The following ZCWPW1 variants were observed in gnomAD, a reference collection of about 807,000 sequenced individuals.
ZCWPW1 encodes the protein zinc finger CW-type PWWP domain protein 1.
In ZCWPW1, 56 loss-of-function variants were observed where a neutral mutation model predicts 81.3. The ratio of observed to expected loss-of-function variants is 0.69; its 90% CI spans 0.56 to 0.86. The LOEUF (loss-of-function observed/expected upper bound fraction) is 0.86. ZCWPW1 is among the 40% of genes least tolerant of loss of function. ZCWPW1 has a pLI of 0.00. For missense variants in ZCWPW1, 650 were observed against 769.8 expected (o/e 0.84, Z 1.84); for synonymous variants, 250 against 273.7 (o/e 0.91, Z 0.86).
chr7:100,422,270 C>G (rs1796494109), intron 2 of ZCWPW1, among the ~76,000 whole-genome samples: 1 of 152,242 alleles, frequency 6.6e-6, no homozygotes, highest in Non-Finnish European at 1.5e-5. Context: ...CAGTCTAATT[C>G]AGTGCTTCAC....
At chr7:100,413,685 C>T (rs993117405) in intron 8 of ZCWPW1, among the ~76,000 whole-genome samples, 3 of 152,194 alleles carry the variant, frequency 2.0e-5, no homozygotes, top group Non-Finnish European at 4.4e-5. Flanking sequence ...GAGGGTGAAC[C>T]CTCATCTGCC....
At chr7:100,408,185 A>C (rs531328166) in intron 10 of ZCWPW1, among the ~76,000 whole-genome samples, 1 of 152,148 alleles carries the variant, frequency 6.6e-6, no homozygotes, top group Admixed American at 6.5e-5. Context: ...TTGTGGTCTC[A>C]GGTGATCTGC....
chr7:100,417,199 A>C lies in ZCWPW1; in HGVS notation c.362-16T>G. On this transcript the variant is annotated splice_polypyrimidine_tract_variant and intron_variant, in intron 5 of 17. Coordinates refer to ENST00000684423, the MANE Select transcript of ZCWPW1 (RefSeq NM_001386010.1). ...GATCCCATCCCTCCCAAAACAAAAT[A>C]CTATAAGCAGAGAAGCAAAAAAACG... 1 of 1,604,866 alleles carries C rather than the reference A, an allele frequency of 6.2e-7. No homozygotes were observed. The highest frequency in any genetic ancestry group is 8.5e-7 in the Non-Finnish European group (1 of 1,174,044).
At chr7:100,419,028 G>C (rs1168634539) in intron 5 of ZCWPW1, 83 bp downstream of exon 5, 6 of 1,080,694 alleles carry the variant, frequency 5.6e-6, no homozygotes, top group Middle Eastern at 2.0e-4. Context: ...GAGAGAAAGA[G>C]AGAAGCTGTC....
chr7:100,412,576 A>AT (rs986528620), intron 8 of ZCWPW1, among the ~76,000 whole-genome samples: 151 of 149,198 alleles, frequency 1.0e-3, no homozygotes, highest in African/African-American at 1.5e-3. Flanking sequence ...AATCCATTTT[A>AT]TTTTTTTTTT....
intron 13 of ZCWPW1, 108 bp downstream of exon 13, chr7:100,404,905 T>C (rs1792665121): frequency 1.9e-6 from 2 of 1,068,434 alleles, no homozygotes; most frequent in Non-Finnish European, 1.3e-6. Flanking sequence ...AAGTGAAATA[T>C]AGAGGTAGGA....
intron 5 of ZCWPW1, among the ~76,000 whole-genome samples, chr7:100,418,430 C>T (rs894784825): frequency 3.3e-5 from 5 of 152,118 alleles, no homozygotes; most frequent in East Asian, 1.9e-4. Flanking sequence ...ATGGGAGAAT[C>T]GTTTGCAGCC....
intron 2 of ZCWPW1, among the ~76,000 whole-genome samples, chr7:100,421,897 G>T (rs1796421713): frequency 6.6e-6 from 1 of 151,968 alleles, no homozygotes; most frequent in Non-Finnish European, 1.5e-5. Context: ...TCTCCATATT[G>T]GTCAGGCTGG....
At chr7:100,416,230 G>T in intron 7 of ZCWPW1, 75 bp downstream of exon 7, 1 of 1,592,426 alleles carries the variant, frequency 6.3e-7, no homozygotes, top group Non-Finnish European at 8.5e-7. Flanking sequence ...TTCTCAGCCT[G>T]CCCATGGTCC....
chr7:100,423,912 T>C (rs1366536196), intron 2 of ZCWPW1, among the ~76,000 whole-genome samples: 1 of 151,768 alleles, frequency 6.6e-6, no homozygotes, highest in Non-Finnish European at 1.5e-5. Flanking sequence ...CTACTAAAAA[T>C]ACAAAAAATT....
rs777593692 is a variant in ZCWPW1 at position 100,417,142 on chromosome 7, G to A, written c.403C>T (p.Gln135Ter). The A allele has an allele frequency of 3.1e-6, 5 of 1,613,884 alleles. No individual in the cohort carries two copies. The highest frequency in any genetic ancestry group is 2.2e-5 in the East Asian group (1 of 44,868). The part of the protein sequence containing the change: ...GLDFAETSCA[Q>*]PVVSTQSDKE... ...TCTGATTGGGTAGATACTACGGGCT[G>A]GGCACAAGAAGTCTCTGCAAAATCA... Residue 135 changes from glutamine to a stop codon, truncating the protein, a stop_gained, in exon 6 of 18, where the codon CAG (glutamine) becomes TAG (stop). Transcript: ENST00000684423. LOFTEE classifies it high-confidence loss of function.
At chr7:100,404,886 T>C (rs756021413) in intron 13 of ZCWPW1, 127 bp downstream of exon 13, 2 of 885,724 alleles carry the variant, frequency 2.3e-6, no homozygotes, top group East Asian at 2.7e-5. Context: ...CACTTATATC[T>C]GAAACCTGAA....
chr7:100,402,351 A>G, intron 16 of ZCWPW1, 165 bp downstream of exon 16: 1 of 888,210 alleles, frequency 1.1e-6, no homozygotes, highest in South Asian at 1.3e-5. Context: ...AGTACAGAGA[A>G]GCAAAGGGGT....
Position 100,419,804 on chromosome 7 carries a change from G to A in ZCWPW1, c.108C>T (p.Ser36=). Reference sequence around the variant, plus strand: ...TGATCCCCGGGGTCTCCTCCTTAGGGGAGTTAGGGCTACAAGGTAACAGGC... The same window carrying A: ...TGATCCCCGGGGTCTCCTCCTTAGGAGAGTTAGGGCTACAAGGTAACAGGC... ...SYSLLPCSPN[S]PKEETPGISS... Residue 36 remains serine, a synonymous_variant, in exon 4 of 18, where the codon TCC becomes TCT. Transcript: ENST00000684423. 6.2e-7 allele frequency: 1 copy of A among 1,613,548 alleles called. No individual in the cohort carries two copies. The highest frequency in any genetic ancestry group is 8.5e-7 in the Non-Finnish European group (1 of 1,179,868).
Position 100,401,049 on chromosome 7 carries a change from C to T in ZCWPW1, c.1915G>A (p.Gly639Ser), listed in dbSNP as rs1791764430. ...SGELQHSNSDGEDFPVALFGK is the reference protein window; with the variant it reads ...SGELQHSNSDSEDFPVALFGK ...AACAGCGCCACGGGGAAGTCCTCGCCATCACTGTTGCTGTGCTGCAGCTCC... is the reference window on the plus strand; with the variant it reads ...AACAGCGCCACGGGGAAGTCCTCGCTATCACTGTTGCTGTGCTGCAGCTCC... Residue 639 changes from glycine to serine, a missense_variant, in exon 18 of 18, where the codon GGC becomes AGC. Gly to Ser is a moderately conservative substitution (Grantham distance 56). Coordinates refer to ENST00000684423, the MANE Select transcript of ZCWPW1 (RefSeq NM_001386010.1). 5 of 1,613,146 alleles carry T rather than the reference C, an allele frequency of 3.1e-6. No individual in the cohort carries two copies. The highest frequency in any genetic ancestry group is 4.2e-6 in the Non-Finnish European group (5 of 1,179,244).
At chr7:100,416,196 T>C (rs1166316414) in intron 7 of ZCWPW1, 99 bp from the exon 8 acceptor site, 2 of 1,591,976 alleles carry the variant, frequency 1.3e-6, no homozygotes, top group African/African-American at 1.3e-5. Context: ...CACAGCCTAA[T>C]AGTCTCAAGT....
At chr7:100,415,850 G>A (rs1795120865) in intron 8 of ZCWPW1, 125 bp downstream of exon 8, 1 of 1,272,958 alleles carries the variant, frequency 7.9e-7, no homozygotes, top group African/African-American at 1.5e-5. Flanking sequence ...AGCATATTCT[G>A]CAACAAGCAG....
intron 10 of ZCWPW1, among the ~76,000 whole-genome samples, chr7:100,408,100 G>A (rs1013596392): frequency 3.3e-5 from 5 of 152,148 alleles, no homozygotes; most frequent in Non-Finnish European, 5.9e-5. Flanking sequence ...ACAGGCACGC[G>A]CCACCACGTC....
At chr7:100,409,280 T>C in intron 9 of ZCWPW1, 148 bp downstream of exon 9, 1 of 629,462 alleles carries the variant, frequency 1.6e-6, no homozygotes, top group Non-Finnish European at 2.7e-6. Context: ...CATCTCCATA[T>C]GAGAGGCAGA....
Sources: gnomAD v4.1 joint callset for allele counts (sites outside exome capture counted in the v4.1 genomes callset) on GRCh38, gnomAD v4.1.1 for gene constraint, MANE v1.5 for transcripts, NCBI Gene and HGNC (gene_info 2026-07-23, HGNC 2026-07-21) for gene names.